Variants in RBM6 observed in about 807,000 individuals in gnomAD.
RBM6 encodes the protein RNA-binding protein 6.
Under a neutral mutation model 140.4 loss-of-function variants are expected in RBM6, and 23 were observed. That is an observed-to-expected ratio of 0.16 (90% confidence interval 0.12 to 0.23). The LOEUF (loss-of-function observed/expected upper bound fraction) is 0.23. RBM6 is among the 10% of genes least tolerant of loss of function. The pLI is 1.00. For missense variants in RBM6, 1,139 were observed against 1,386.7 expected (o/e 0.82, Z 2.84); for synonymous variants, 439 against 475.6 (o/e 0.92, Z 1.00).
intron 3 of RBM6, among the ~76,000 whole-genome samples, chr3:49,969,638 C>T (rs926090530): frequency 6.6e-6 from 1 of 151,718 alleles, no homozygotes; most frequent in Non-Finnish European, 1.5e-5. Context: ...TGCTCTGTCA[C>T]TCGGGCTGAA....
At chr3:49,974,673 ATTTTTTTTTTT>A (rs55872898) in intron 4 of RBM6, among the ~76,000 whole-genome samples, 4 of 72,464 alleles carry the variant, frequency 5.5e-5, no homozygotes, top group Non-Finnish European at 6.8e-5. Flanking sequence ...TGCCCGGCCA[ATTTTTTTTTTT>A]TTTTTTTTTT....
At chr3:50,031,648 G>A (rs1229172142) in intron 6 of RBM6, among the ~76,000 whole-genome samples, 1 of 151,986 alleles carries the variant, frequency 6.6e-6, no homozygotes, top group Non-Finnish European at 1.5e-5. Flanking sequence ...GTTAATGGGT[G>A]CAGCACACCA....
rs368840847 is a variant in RBM6 at position 50,070,524 on chromosome 3, C to T, written c.3088C>T (p.Arg1030Trp). 5.0e-6 allele frequency: 8 copies of T among 1,613,518 alleles called. No individual in the cohort carries two copies. In the African/African-American group the frequency reaches 8.0e-5, roughly 16 times the overall value. Residue 1030 changes from arginine (R) to tryptophan (W), a missense_variant, in exon 19 of 21, where the codon CGG (arginine) becomes TGG (tryptophan). By Grantham distance (101) the Arg-to-Trp change is moderately radical (BLOSUM62 -3). This residue lies in a region of RBM6 where 125 missense variants were observed against 142.0 expected (regional missense o/e 0.88). Transcript: ENST00000266022. ...LQSFDSPERK[R>W]IKYSRETDSD... ...GTCTTTTGACTCTCCAGAAAGGAAACGGATTAAGTACTCCAGGGAAACTGA... is the reference window on the plus strand; with the variant it reads ...GTCTTTTGACTCTCCAGAAAGGAAATGGATTAAGTACTCCAGGGAAACTGA...
chr3:50,047,226 A>G, intron 6 of RBM6: 5 of 985,182 alleles, frequency 5.1e-6, no homozygotes, highest in Non-Finnish European at 6.0e-6. Flanking sequence ...TTGCAAAGAA[A>G]TGGCTTGTAT....
chr3:50,060,330 C>T (rs2108917234), intron 11 of RBM6, among the ~76,000 whole-genome samples: 1 of 152,236 alleles, frequency 6.6e-6, no homozygotes, highest in African/African-American at 2.4e-5. Flanking sequence ...CTCATCTTGA[C>T]CCAGGAGTGG....
chr3:49,988,642 T>C (rs991954926), intron 5 of RBM6, among the ~76,000 whole-genome samples: 6 of 152,186 alleles, frequency 3.9e-5, no homozygotes, highest in Admixed American at 3.9e-4. Flanking sequence ...TTGCATTTAT[T>C]AGTAGTGAGT....
intron 1 of RBM6, among the ~76,000 whole-genome samples, chr3:49,954,181 T>C (rs962672386): frequency 2.6e-5 from 4 of 151,564 alleles, no homozygotes; most frequent in Non-Finnish European, 5.9e-5. Context: ...GGCTCACGCC[T>C]GTAATCCCAG....
chr3:50,075,113 G>A, intron 19 of RBM6, 88 bp from the exon 20 acceptor site: 1 of 1,473,102 alleles, frequency 6.8e-7, no homozygotes, highest in South Asian at 1.3e-5. Context: ...CTGAGTTCGA[G>A]CCATTGCACT....
intron 6 of RBM6, among the ~76,000 whole-genome samples, chr3:50,016,716 C>T (rs1265567477): frequency 6.6e-6 from 1 of 151,934 alleles, no homozygotes; most frequent in Non-Finnish European, 1.5e-5. Context: ...ATCACACAGG[C>T]TGGAGTTCAG....
chr3:50,037,005 C>T (rs112147950), intron 6 of RBM6, among the ~76,000 whole-genome samples: 3 of 151,832 alleles, frequency 2.0e-5, no homozygotes, highest in South Asian at 2.1e-4. Context: ...AGTATGGTCT[C>T]GATCTCTTGA....
rs867441453 is a variant in RBM6 at position 50,072,107 on chromosome 3, A to G, written c.3116+1555A>G. On this transcript the variant is annotated intron_variant, in intron 19 of 20. Transcript: ENST00000266022. ...TCAAAAAAAAAAAAAAAAAAAAAAG[A>G]AAAGGAAAGGAAAAATGGGGCCAGG... Among the ~76,000 whole-genome samples the G allele has an allele frequency of 1.0e-4, 14 of 135,788 alleles. No individual in the cohort carries two copies. The South Asian group carries it at 1.2e-3, about 11-fold the overall frequency. 89.1% of individuals were successfully genotyped at this position (135,788 alleles called of 152,430 possible).
chr3:50,032,719 G>T (rs1367329605), intron 6 of RBM6, among the ~76,000 whole-genome samples: 2 of 152,074 alleles, frequency 1.3e-5, no homozygotes, highest in Non-Finnish European at 2.9e-5. Context: ...GGGCACGGTG[G>T]CTCACGCCTA....
At chr3:49,988,303 CCT>C (rs1374015845) in intron 5 of RBM6, among the ~76,000 whole-genome samples, 1 of 152,170 alleles carries the variant, frequency 6.6e-6, no homozygotes, top group East Asian at 1.9e-4. Flanking sequence ...CACCATCACA[CCT>C]GGCTAATTTT....
At chr3:49,963,750 T>C (rs2084386623) in intron 2 of RBM6, among the ~76,000 whole-genome samples, 1 of 152,190 alleles carries the variant, frequency 6.6e-6, no homozygotes, top group Non-Finnish European at 1.5e-5. Context: ...ATTTAAACAT[T>C]TTTCGTATTG....
intron 5 of RBM6, among the ~76,000 whole-genome samples, chr3:49,996,441 A>T (rs895878916): frequency 2.6e-5 from 4 of 152,130 alleles, no homozygotes; most frequent in African/African-American, 9.7e-5. Flanking sequence ...CTTTTTCCCT[A>T]TATACATTTT....
intron 5 of RBM6, among the ~76,000 whole-genome samples, chr3:49,998,151 T>C (rs1158628523): frequency 6.6e-6 from 1 of 152,264 alleles, no homozygotes; most frequent in Non-Finnish European, 1.5e-5. Flanking sequence ...TCAAAGTTTA[T>C]TGTTATTAGT....
intron 15 of RBM6, among the ~76,000 whole-genome samples, chr3:50,063,208 C>T (rs2090005746): frequency 6.6e-6 from 1 of 152,128 alleles, no homozygotes; most frequent in Admixed American, 6.6e-5. Flanking sequence ...TAATCTTATA[C>T]TGTCATAATA....
At chr3:50,052,649 A>G (rs1482988088) in intron 7 of RBM6, among the ~76,000 whole-genome samples, 1 of 152,166 alleles carries the variant, frequency 6.6e-6, no homozygotes, top group African/African-American at 2.4e-5. Context: ...CAACTCTCCA[A>G]TCCCAGTAGC....
At chr3:50,030,178 G>A (rs1014729564) in intron 6 of RBM6, among the ~76,000 whole-genome samples, 5 of 151,798 alleles carry the variant, frequency 3.3e-5, no homozygotes, top group Admixed American at 6.6e-5. Flanking sequence ...TGGGTGGGGC[G>A]GGGGTGAGGT....
Sources: allele counts gnomAD v4.1 joint callset (sites outside exome capture counted in the v4.1 genomes callset), GRCh38; gene constraint gnomAD v4.1.1; regional missense constraint gnomAD v4.1.1; transcripts MANE v1.5; gene names NCBI Gene and HGNC (gene_info 2026-07-23, HGNC 2026-07-21).